The following MYOCD variants were observed in gnomAD, a reference collection of about 807,000 sequenced individuals.
MYOCD encodes the protein myocardin.
A neutral mutation model predicts 96.1 loss-of-function variants in MYOCD; 32 were observed. The ratio of observed to expected loss-of-function variants is 0.33; its 90% CI spans 0.25 to 0.45. The LOEUF (loss-of-function observed/expected upper bound fraction) is 0.45. Among genes scored for constraint, MYOCD ranks in the 20% least tolerant of loss-of-function variants. The pLI, the probability that MYOCD is intolerant of heterozygous loss-of-function variation, is 1.00. For missense variants in MYOCD, 1,133 were observed against 1,200.6 expected (o/e 0.94, Z 0.83); for synonymous variants, 469 against 469.0 (o/e 1.00, Z 0.00).
chr17:12,697,166 G>A (rs1056264000), intron 1 of MYOCD, among the ~76,000 whole-genome samples: 1 of 151,578 alleles, frequency 6.6e-6, no homozygotes, highest in African/African-American at 2.4e-5. Flanking sequence ...TGAGCCTTGG[G>A]TCCCCTCCTG....
chr17:12,666,297 C>G (rs1029432946), intron 1 of MYOCD, 54 bp downstream of exon 1: 2 of 1,284,432 alleles, frequency 1.6e-6, no homozygotes, highest in Admixed American at 1.7e-5. Context: ...CTGCAATTCT[C>G]AACTCTAGAA....
intron 1 of MYOCD, among the ~76,000 whole-genome samples, chr17:12,699,220 G>C (rs957282922): frequency 6.6e-6 from 1 of 152,106 alleles, no homozygotes; most frequent in Non-Finnish European, 1.5e-5. Context: ...CGCTTCCCGG[G>C]TTCAAGTGAT....
intron 1 of MYOCD, among the ~76,000 whole-genome samples, chr17:12,679,062 G>C (rs1298398343): frequency 6.6e-6 from 1 of 152,068 alleles, no homozygotes; most frequent in Non-Finnish European, 1.5e-5. Flanking sequence ...TCTCGTCTCG[G>C]GGCTTGCAAA....
At chr17:12,730,458 A>C (rs1051816480) in intron 5 of MYOCD, among the ~76,000 whole-genome samples, 1 of 152,122 alleles carries the variant, frequency 6.6e-6, no homozygotes, top group African/African-American at 2.4e-5. Context: ...AAAAAAAAAA[A>C]AAAAAGACAT....
At chr17:12,717,499 C>A in intron 4 of MYOCD, 78 bp downstream of exon 4, 1 of 1,181,220 alleles carries the variant, frequency 8.5e-7, no homozygotes, top group Non-Finnish European at 1.2e-6. Context: ...TGTCTCTGTA[C>A]AGTTGCTAAG....
At chr17:12,682,969 CTTA>C (rs1567570310) in intron 1 of MYOCD, among the ~76,000 whole-genome samples, 2 of 152,142 alleles carry the variant, frequency 1.3e-5, no homozygotes, top group East Asian at 3.9e-4. Flanking sequence ...AAAAGGAACA[CTTA>C]TTATAAACAT....
chr17:12,739,392 G>T, intron 7 of MYOCD, 64 bp downstream of exon 7: 1 of 1,476,422 alleles, frequency 6.8e-7, no homozygotes, highest in Non-Finnish European at 9.0e-7. Context: ...ACTTGGAGCA[G>T]AACTTTCTGA....
chr17:12,714,361 A>ACACACACACACACACC (rs149778201), intron 2 of MYOCD, among the ~76,000 whole-genome samples: 19 of 148,254 alleles, frequency 1.3e-4, no homozygotes, highest in East Asian at 3.9e-4. Context: ...ACACACACAC[A>ACACACACACACACACC]CCCCGATCTG....
intron 5 of MYOCD, 76 bp from the exon 6 acceptor site, chr17:12,736,085 C>A: frequency 8.7e-7 from 1 of 1,153,156 alleles, no homozygotes; most frequent in Non-Finnish European, 1.3e-6. Context: ...ATAGAAATGA[C>A]ACATCGAAGC....
intron 1 of MYOCD, among the ~76,000 whole-genome samples, chr17:12,691,044 T>C (rs1290070294): frequency 6.6e-6 from 1 of 152,194 alleles, no homozygotes; most frequent in African/African-American, 2.4e-5. Flanking sequence ...CTTAGCTCTA[T>C]TGTTGCACAT....
chr17:12,748,087 G>A (rs559717777), intron 9 of MYOCD, among the ~76,000 whole-genome samples: 50 of 150,274 alleles, frequency 3.3e-4, no homozygotes, highest in African/African-American at 1.0e-3. Flanking sequence ...GCTTGAACCC[G>A]GGAGGTGGAG....
At chr17:12,687,259 G>C (rs539621726) in intron 1 of MYOCD, among the ~76,000 whole-genome samples, 5 of 151,974 alleles carry the variant, frequency 3.3e-5, no homozygotes, top group Non-Finnish European at 4.4e-5. Flanking sequence ...TTCTAACCGA[G>C]TCCTTCCCTT....
intron 1 of MYOCD, among the ~76,000 whole-genome samples, chr17:12,695,870 A>AC (rs1336234971): frequency 2.2e-4 from 31 of 142,130 alleles, no homozygotes; most frequent in Middle Eastern, 3.5e-3. Flanking sequence ...AGCCCCTGGA[A>AC]CCCCCCTCCT....
At chr17:12,708,890 C>T (rs1195581899) in intron 2 of MYOCD, among the ~76,000 whole-genome samples, 3 of 152,154 alleles carry the variant, frequency 2.0e-5, no homozygotes, top group Non-Finnish European at 4.4e-5. Context: ...ATCGCTTGGC[C>T]TTTAAAACCA....
At chr17:12,735,249 G>A (rs923346910) in intron 5 of MYOCD, among the ~76,000 whole-genome samples, 8 of 152,244 alleles carry the variant, frequency 5.3e-5, no homozygotes, top group African/African-American at 1.9e-4. Flanking sequence ...GCGCAGAGCA[G>A]TCCCTGGACT....
intron 1 of MYOCD, among the ~76,000 whole-genome samples, chr17:12,684,455 T>G (rs937708505): frequency 1.3e-5 from 2 of 152,184 alleles, no homozygotes; most frequent in Admixed American, 6.5e-5. Context: ...TAGGAACCTT[T>G]TCCTTGAACA....
At chr17:12,694,881 C>CAAAAAAAAAAAAAAAAAAAA (rs201215491) in intron 1 of MYOCD, among the ~76,000 whole-genome samples, 1 of 69,648 alleles carries the variant, frequency 1.4e-5, no homozygotes, top group Non-Finnish European at 2.9e-5. Context: ...AAGGAATAAC[C>CAAAAAAAAAAAAAAAAAAAA]AAAAAAAAAA....
intron 1 of MYOCD, among the ~76,000 whole-genome samples, chr17:12,671,225 A>G (rs1353926937): frequency 6.6e-6 from 1 of 152,236 alleles, no homozygotes; most frequent in Non-Finnish European, 1.5e-5. Flanking sequence ...TGCTTGGCAC[A>G]GAGAAGGAAC....
In MYOCD at chr17:12,704,954, T is replaced by C. The variant is rs8073609; in HGVS notation, c.56-174T>C. 0.089 allele frequency: 52,457 copies of C among 588,548 alleles called. 2,632 individuals carry two copies. Among genetic ancestry groups the C allele is most frequent in the Non-Finnish European group, 0.1 (34,331 of 327,314 alleles). 36.5% of individuals were successfully genotyped at this position (588,548 alleles called of 1,614,324 possible). On this transcript the variant is annotated intron_variant, in intron 1 of 13. Coordinates refer to ENST00000425538, the MANE Select transcript of MYOCD (RefSeq NM_001146312.3). Reference sequence around the variant, plus strand: ...CTTACTGCAAAACCTTGTAACCTTCTCAGCTTCTCTCCTTCTTCTTCCACT... The same window carrying C: ...CTTACTGCAAAACCTTGTAACCTTCCCAGCTTCTCTCCTTCTTCTTCCACT...
Sources: gnomAD v4.1 joint callset for allele counts (sites outside exome capture counted in the v4.1 genomes callset) on GRCh38, gnomAD v4.1.1 for gene constraint, MANE v1.5 for transcripts, NCBI Gene and HGNC (gene_info 2026-07-23, HGNC 2026-07-21) for gene names.